The following RGS6 variants were observed in gnomAD, a reference collection of about 807,000 sequenced individuals.
The protein encoded by RGS6 is regulator of G protein signaling 6, also known as regulator of G-protein signaling 6.
RGS6 carries 30 observed loss-of-function variants against 78.5 expected under a neutral mutation model. The ratio of observed to expected loss-of-function variants is 0.38; its 90% CI spans 0.29 to 0.52. RGS6 has a LOEUF of 0.52. Among genes scored for constraint, RGS6 ranks in the 20% least tolerant of loss-of-function variants. The probability of loss-of-function intolerance (pLI) is 0.85; values close to 1 mark genes in which losing one functional copy is unlikely to be tolerated. For missense variants in RGS6, 495 were observed against 609.7 expected (o/e 0.81, Z 1.98); for synonymous variants, 206 against 206.0 (o/e 1.00, Z 0.00).
Position 72,540,033 on chromosome 14 carries a change from T to A in RGS6, c.1369-8T>A. The stretch of plus-strand genomic sequence containing the variant: ...TTTTCTCCCTACCCTTTTTTTTTTT[T>A]CCTAAAGCCAGAAAGTGAGCAAGGT... On this transcript the variant is annotated splice_region_variant and splice_polypyrimidine_tract_variant and intron_variant, in intron 16 of 17. Transcript: ENST00000553525. 1 of 1,563,516 alleles carries A rather than the reference T, an allele frequency of 6.4e-7. No homozygotes were observed. Among genetic ancestry groups the A allele is most frequent in the Non-Finnish European group, 8.6e-7 (1 of 1,167,670 alleles).
intron 3 of RGS6, among the ~76,000 whole-genome samples, chr14:72,433,450 A>G (rs1330695777): frequency 6.6e-6 from 1 of 152,108 alleles, no homozygotes; most frequent in Non-Finnish European, 1.5e-5. Flanking sequence ...CATTTACCTA[A>G]GTAACGAAAC....
At chr14:72,479,041 A>G (rs2096307379) in intron 12 of RGS6, among the ~76,000 whole-genome samples, 1 of 152,202 alleles carries the variant, frequency 6.6e-6, no homozygotes, top group Admixed American at 6.5e-5. Context: ...TGCTACCGTT[A>G]AAGCAATGAC....
At chr14:72,356,924 C>G (rs2080422335) in intron 3 of RGS6, among the ~76,000 whole-genome samples, 1 of 152,140 alleles carries the variant, frequency 6.6e-6, no homozygotes, top group South Asian at 2.1e-4. Flanking sequence ...TGAGAATGGA[C>G]TAATACCGTA....
intron 2 of RGS6, among the ~76,000 whole-genome samples, chr14:72,299,678 G>A (rs2065642250): frequency 6.6e-6 from 1 of 152,192 alleles, no homozygotes. Flanking sequence ...CCATCCTAGT[G>A]GGTGTGAAGT....
chr14:72,109,062 A>AT (rs918267185), intron 2 of RGS6, among the ~76,000 whole-genome samples: 20 of 150,600 alleles, frequency 1.3e-4, no homozygotes, highest in African/African-American at 4.1e-4. Flanking sequence ...TTTTTATGTA[A>AT]TTTTTTTTAA....
At chr14:72,496,054 T>C (rs2096640510) in intron 13 of RGS6, among the ~76,000 whole-genome samples, 1 of 152,240 alleles carries the variant, frequency 6.6e-6, no homozygotes. Flanking sequence ...TTGCCCCTTT[T>C]CTGGCTGCTT....
intron 3 of RGS6, among the ~76,000 whole-genome samples, chr14:72,418,783 G>A (rs2093993844): frequency 1.3e-5 from 2 of 152,230 alleles, no homozygotes; most frequent in Non-Finnish European, 2.9e-5. Context: ...CAAATCTGCT[G>A]AGAGGATGCA....
At chr14:72,579,967 G>C in the RGS6 span, among the ~76,000 whole-genome samples, 1 of 152,196 alleles carries the variant, frequency 6.6e-6, no homozygotes, top group Admixed American at 6.5e-5. Context: ...GAGGGACAAA[G>C]TGCAACCCAG....
chr14:72,491,476 G>T (rs1006378714), intron 12 of RGS6, among the ~76,000 whole-genome samples: 6 of 152,086 alleles, frequency 3.9e-5, no homozygotes, highest in African/African-American at 1.4e-4. Flanking sequence ...GTCACTAAAG[G>T]AACAAAAATG....
the RGS6 span, among the ~76,000 whole-genome samples, chr14:72,588,771 CTT>C: frequency 6.6e-6 from 1 of 152,188 alleles, no homozygotes; most frequent in Non-Finnish European, 1.5e-5. Flanking sequence ...GGTACTCCCT[CTT>C]TGTTACCCCC....
At chr14:72,350,915 A>C (rs1217934245) in intron 2 of RGS6, among the ~76,000 whole-genome samples, 1 of 152,176 alleles carries the variant, frequency 6.6e-6, no homozygotes, top group African/African-American at 2.4e-5. Context: ...ATAAATTTTT[A>C]ATATATTTTA....
chr14:72,075,376 C>T (rs909820401), intron 2 of RGS6, among the ~76,000 whole-genome samples: 7 of 152,160 alleles, frequency 4.6e-5, no homozygotes, highest in African/African-American at 1.4e-4. Context: ...AAATACGATA[C>T]AGCCTTGCAT....
chr14:72,583,854 C>T, the RGS6 span, among the ~76,000 whole-genome samples: 56 of 152,306 alleles, frequency 3.7e-4, no homozygotes, highest in Non-Finnish European at 5.9e-4. Context: ...GGAGGACACC[C>T]GCCGGCTTCC....
At chr14:71,897,286 G>A in the RGS6 span, among the ~76,000 whole-genome samples, 1 of 152,184 alleles carries the variant, frequency 6.6e-6, no homozygotes, top group Non-Finnish European at 1.5e-5. Context: ...TTTAAATCTT[G>A]GCTCTAGCAA....
At chr14:72,020,259 G>A (rs1257256330) in intron 2 of RGS6, among the ~76,000 whole-genome samples, 3 of 152,198 alleles carry the variant, frequency 2.0e-5, no homozygotes, top group Non-Finnish European at 4.4e-5. Flanking sequence ...TCTGACAGGA[G>A]GAAAGGAAAG....
At chr14:72,067,649 C>T (rs2094214474) in intron 2 of RGS6, among the ~76,000 whole-genome samples, 1 of 151,842 alleles carries the variant, frequency 6.6e-6, no homozygotes, top group Non-Finnish European at 1.5e-5. Context: ...GTTTTGCCTC[C>T]TATTAAGTCT....
intron 2 of RGS6, among the ~76,000 whole-genome samples, chr14:72,292,757 C>T (rs1202133596): frequency 6.6e-6 from 1 of 152,218 alleles, no homozygotes; most frequent in African/African-American, 2.4e-5. Flanking sequence ...AGTGCATCCC[C>T]TGGAAGGAGG....
chr14:72,561,579 T>C (rs2097677205), intron 17 of RGS6, among the ~76,000 whole-genome samples: 1 of 152,186 alleles, frequency 6.6e-6, no homozygotes, highest in Admixed American at 6.5e-5. Flanking sequence ...ACTCCCCTCC[T>C]AGATCAGGGG....
intron 3 of RGS6, among the ~76,000 whole-genome samples, chr14:72,362,419 T>G (rs2081623301): frequency 6.6e-6 from 1 of 152,244 alleles, no homozygotes; most frequent in African/African-American, 2.4e-5. Context: ...CTTATGATTA[T>G]GATTCCATGA....
Sources: allele counts gnomAD v4.1 joint callset (sites outside exome capture counted in the v4.1 genomes callset), GRCh38; gene constraint gnomAD v4.1.1; transcripts MANE v1.5; gene names NCBI Gene and HGNC (gene_info 2026-07-23, HGNC 2026-07-21).